Variants in CFAP99 observed in about 807,000 individuals in gnomAD.
CFAP99 encodes cilia and flagella associated protein 99.
CFAP99 carries 84 observed loss-of-function variants against 82.7 expected under a neutral mutation model. The observed-to-expected ratio is 1.02, with a 90% CI of 0.85 to 1.22. The LOEUF (loss-of-function observed/expected upper bound fraction) is 1.22. CFAP99 is among the 50% of genes most tolerant of loss of function. CFAP99 has a pLI of 0.00. For missense variants in CFAP99, 1,059 were observed against 983.5 expected, an observed-to-expected ratio of 1.08 and a Z score of -1.03; for synonymous variants, 456 against 429.5, an observed-to-expected ratio of 1.06 and a Z score of -0.76.
intron 5 of CFAP99, among the ~76,000 whole-genome samples, chr4:2,444,859 C>G (rs1319013724): frequency 6.6e-6 from 1 of 152,228 alleles, no homozygotes; most frequent in East Asian, 1.9e-4. Flanking sequence ...GTCCTCCCAG[C>G]TCCCCACTCA....
chr4:2,438,897 A>C (rs1308700), intron 4 of CFAP99, among the ~76,000 whole-genome samples: 32,509 of 152,152 alleles, frequency 0.21, 3,815 homozygotes, highest in East Asian at 0.34. Context: ...CTCATAATCA[A>C]ATCCGAGGCC....
chr4:2,434,955 G>A (rs1371992282), intron 2 of CFAP99, among the ~76,000 whole-genome samples: 1 of 152,076 alleles, frequency 6.6e-6, no homozygotes, highest in East Asian at 1.9e-4. Context: ...CATGTGGCTT[G>A]TGCAGAATGC....
rs1734509639 is a variant in CFAP99 at position 2,459,106 on chromosome 4, G to C, written c.1304-1G>C. 9.3e-6 allele frequency: 14 copies of C among 1,512,498 alleles called. No homozygotes were observed. Among genetic ancestry groups the C allele is most frequent in the Non-Finnish European group, 1.2e-5 (14 of 1,134,174 alleles). The allele number at this position is 1,512,498 out of a possible 1,614,324, so 93.7% of individuals were successfully genotyped here. A position where few individuals can be genotyped will look rare whatever the true frequency, so the allele number is the denominator to read the frequency against. On this transcript the variant is annotated splice_acceptor_variant, in intron 12 of 14. Transcript: ENST00000635017. LOFTEE classifies it high-confidence loss of function. ...CCTCAGCTCCTGGCTTGGCCCCCAA[G>C]TTCAGGAGGCGATCGAGGAGAGCAG...
intron 11 of CFAP99, among the ~76,000 whole-genome samples, chr4:2,454,594 G>GTTTTTTTTTTTTT (rs1204498727): frequency 5.9e-5 from 5 of 84,538 alleles, no homozygotes; most frequent in Admixed American, 1.4e-4. Context: ...TTTTTTTTTT[G>GTTTTTTTTTTTTT]TTTTTTTTTT....
intron 13 of CFAP99, among the ~76,000 whole-genome samples, chr4:2,459,765 C>T (rs909181347): frequency 1.5e-4 from 23 of 152,162 alleles, no homozygotes; most frequent in East Asian, 9.6e-4. Context: ...CCCCAGGCCC[C>T]GAAGCCTGGC....
chr4:2,458,886 C>A, intron 12 of CFAP99, 22 bp downstream of exon 12: 1 of 1,528,830 alleles, frequency 6.5e-7, no homozygotes, highest in Non-Finnish European at 8.7e-7. Flanking sequence ...CCAGATGTCA[C>A]TGGCCCTACC....
Position 2,443,024 on chromosome 4 carries a change from G to A in CFAP99, c.352-106G>A, listed in dbSNP as rs1264687086. On this transcript the variant is annotated intron_variant, in intron 4 of 14. Transcript: ENST00000635017. The stretch of plus-strand genomic sequence containing the variant: ...GGCCTTGGGGGGAGCCACTGGGGGT[G>A]CTGGGGGCCTTGGGGGCAGGGAGCT... 1.1e-5 allele frequency: 6 copies of A among 547,522 alleles called. No homozygotes were observed. In the East Asian group the frequency reaches 1.9e-4, roughly 17 times the overall value. The allele number at this position is 547,522 out of a possible 1,614,324, so 33.9% of individuals were successfully genotyped here. A position where few individuals can be genotyped will look rare whatever the true frequency, so the allele number is the denominator to read the frequency against.
chr4:2,437,406 G>T (rs962208469), intron 3 of CFAP99, among the ~76,000 whole-genome samples: 4 of 152,212 alleles, frequency 2.6e-5, no homozygotes, highest in Non-Finnish European at 5.9e-5. Flanking sequence ...GAGACTCGCT[G>T]CCTGGGCTTC....
rs1734227294 is a variant in CFAP99, at chr4:2,448,814, A to G, written c.643-856A>G. 1.3e-5 allele frequency among the ~76,000 whole-genome samples: 2 copies of G among 152,258 alleles called. No homozygotes were observed. The highest frequency in any genetic ancestry group is 4.1e-4 in the South Asian group (2 of 4,828). Reference sequence around the variant, plus strand: ...GAGCAGAGACAGGACACATTGAGGCAGGCTGGCGCCAACACAGGGTCCCTC... The same window carrying G: ...GAGCAGAGACAGGACACATTGAGGCGGGCTGGCGCCAACACAGGGTCCCTC... On this transcript the variant is annotated intron_variant, in intron 6 of 14. Transcript: ENST00000635017. This position sits in a 1 kb window ranked among gnomAD's most constrained non-coding sequence, Gnocchi z 5.2.
rs920164917 is a variant in CFAP99 at position 2,462,249 on chromosome 4, C to T, written c.1662-194C>T. On this transcript the variant is annotated intron_variant, in intron 14 of 14. Transcript: ENST00000635017. This position sits in a 1 kb window ranked among gnomAD's most constrained non-coding sequence, Gnocchi z 4.1. ...AGTGCTGGAGACTCCCCCAACCCCT[C>T]CAGCCCCTGAGCGGTGGTACTGTCT... 8.7e-6 allele frequency: 4 copies of T among 461,648 alleles called. No individual in the cohort carries two copies. The highest frequency in any genetic ancestry group is 1.5e-5 in the Non-Finnish European group (4 of 268,102). The allele number at this position is 461,648 out of a possible 1,614,324, so 28.6% of individuals were successfully genotyped here.
At chr4:2,431,939 A>C (rs1733810134) in intron 2 of CFAP99, among the ~76,000 whole-genome samples, 1 of 152,200 alleles carries the variant, frequency 6.6e-6, no homozygotes, top group Non-Finnish European at 1.5e-5. Context: ...GTTTTGAAGC[A>C]AGATGTATTT....
At chr4:2,458,633 A>C (rs1046218042) in intron 11 of CFAP99, 90 bp from the exon 12 acceptor site, 18 of 1,447,616 alleles carry the variant, frequency 1.2e-5, no homozygotes, top group Admixed American at 2.4e-5. Flanking sequence ...GTCCACCTTC[A>C]GACCTCATGC....
chr4:2,431,347 C>G (rs1185279421), intron 2 of CFAP99, among the ~76,000 whole-genome samples: 1 of 148,248 alleles, frequency 6.7e-6, no homozygotes. Flanking sequence ...CAAGCCTGGG[C>G]GACAGAGCAA....
In CFAP99 at chr4:2,421,433, C is replaced by T. The variant is rs112524439; in HGVS notation, c.-18+2340C>T. Among the ~76,000 whole-genome samples, 72 of 144,192 alleles carry T rather than the reference C, an allele frequency of 5.0e-4. 4 individuals carry two copies. The highest frequency in any genetic ancestry group is 1.8e-3 in the African/African-American group (68 of 38,516). The allele number at this position is 144,192 out of a possible 152,430, so 94.6% of individuals were successfully genotyped here. On this transcript the variant is annotated intron_variant, in intron 1 of 14. Transcript: ENST00000635017. ...GCAGAGGCACGATCTCAGCTCACTG[C>T]GACCTCTGCCTCCCGGGTTCAAGCA...
At position 2,451,028 on chromosome 4, in the gene CFAP99, G is replaced by T. The variant is rs772591752; in HGVS notation, c.867+10G>T. 3 of 1,535,162 alleles carry T rather than the reference G, an allele frequency of 2.0e-6. No homozygotes were observed. Among genetic ancestry groups the T allele is most frequent in the Admixed American group, 3.9e-5 (2 of 50,960 alleles). On this transcript the variant is annotated intron_variant, in intron 9 of 14. Transcript: ENST00000635017. ...GCTGACCTTCTATAGGGTGAGGGGT[G>T]CTCCTGGATGGTCAGGCTGCTCTCC...
At position 2,459,278 on chromosome 4, in the gene CFAP99, C is replaced by T. The variant is rs773851894; in HGVS notation, c.1455+20C>T. On this transcript the variant is annotated intron_variant, in intron 13 of 14. Coordinates refer to ENST00000635017, the Ensembl canonical transcript of CFAP99. ...ACCCAGGTGAGGATGCAGTCCTGGACGGGCCCATGCCTCAGGGGCCTCCAC... is the reference window on the plus strand; with the variant it reads ...ACCCAGGTGAGGATGCAGTCCTGGATGGGCCCATGCCTCAGGGGCCTCCAC... 161 of 1,516,324 alleles carry T rather than the reference C, an allele frequency of 1.1e-4. 1 individual carries two copies. Among genetic ancestry groups the T allele is most frequent in the South Asian group, 6.7e-4 (55 of 81,826 alleles). The allele number at this position is 1,516,324 out of a possible 1,614,324, so 93.9% of individuals were successfully genotyped here.
At chr4:2,434,283 A>G (rs951167957) in intron 2 of CFAP99, among the ~76,000 whole-genome samples, 14 of 152,332 alleles carry the variant, frequency 9.2e-5, no homozygotes, top group African/African-American at 3.1e-4. Flanking sequence ...TTTGGCAATC[A>G]GAATGCTGTC....
intron 2 of CFAP99, among the ~76,000 whole-genome samples, chr4:2,434,655 G>A (rs1733872871): frequency 6.6e-6 from 1 of 152,358 alleles, no homozygotes; most frequent in African/African-American, 2.4e-5. Flanking sequence ...ACAGGCAGGG[G>A]CGAGCAGAAG....
intron 4 of CFAP99, among the ~76,000 whole-genome samples, chr4:2,439,777 C>CCCAGAAA (rs909917449): frequency 1.4e-4 from 22 of 152,118 alleles, no homozygotes; most frequent in Non-Finnish European, 2.6e-4. Context: ...GAAACCAAAC[C>CCCAGAAA]CCAGAAACCA....
Sources: allele counts gnomAD v4.1 joint callset (sites outside exome capture counted in the v4.1 genomes callset), GRCh38; gene constraint gnomAD v4.1.1; non-coding constraint Gnocchi (gnomAD v3.1); transcripts MANE v1.5; gene names NCBI Gene and HGNC (gene_info 2026-07-23, HGNC 2026-07-21).